Variants in KIAA1549L observed in about 807,000 individuals in gnomAD.
KIAA1549L encodes UPF0606 protein KIAA1549L.
Under a neutral mutation model 160.7 loss-of-function variants are expected in KIAA1549L, and 88 were observed. The observed-to-expected ratio is 0.55, with a 90% CI of 0.46 to 0.65. KIAA1549L has a LOEUF of 0.65. KIAA1549L is among the 30% of genes least tolerant of loss of function. The pLI, the probability that KIAA1549L is intolerant of heterozygous loss-of-function variation, is 0.00. For synonymous variants in KIAA1549L, 950 were observed against 976.7 expected (o/e 0.97, Z 0.51); for missense variants, 2,258 against 2,437.5 (o/e 0.93, Z 1.55).
rs368426217 is a variant in KIAA1549L, at chr11:33,658,763, A to G, written c.5872A>G (p.Ile1958Val). 40 of 1,573,038 alleles carry G rather than the reference A, an allele frequency of 2.5e-5. No individual in the cohort carries two copies. The East Asian group carries it at 6.0e-4, about 24-fold the overall frequency. The part of the protein sequence containing the change: ...VASLRRSTSD[I>V]GSKTRMAEST... ...TGCCCCATCTAGATCCACCTCAGAC[A>G]TCGGCAGCAAGACCAGAATGGCCGA... The change falls in exon 19 of 21, where the codon ATC (isoleucine) becomes GTC (valine). Residue 1958 changes from isoleucine to valine, a missense_variant. Physicochemically the swap from Ile to Val is conservative, Grantham distance 29 (BLOSUM62 3). Around this residue, in one of 6 missense-constraint regions of KIAA1549L, gnomAD observed 1,359 missense variants for 1,546.6 expected, o/e 0.88. Transcript: ENST00000658780.
At chr11:33,540,632 A>G (rs1192874021) in intron 1 of KIAA1549L, among the ~76,000 whole-genome samples, 5 of 152,220 alleles carry the variant, frequency 3.3e-5, no homozygotes, top group Non-Finnish European at 7.3e-5. Flanking sequence ...ATTGCAAACC[A>G]TGAAGCAGTT....
intron 1 of KIAA1549L, among the ~76,000 whole-genome samples, chr11:33,433,244 A>G (rs1025180055): frequency 6.7e-6 from 1 of 149,430 alleles, no homozygotes; most frequent in African/African-American, 2.4e-5. Flanking sequence ...AGACAAAAAC[A>G]TATTTACAAG....
intron 4 of KIAA1549L, among the ~76,000 whole-genome samples, 165 bp from the exon 5 acceptor site, chr11:33,550,875 G>T (rs1261236037): frequency 3.3e-5 from 5 of 152,182 alleles, no homozygotes; most frequent in Non-Finnish European, 7.3e-5. Flanking sequence ...TTTGAGACTT[G>T]CCAATCCAAA....
chr11:33,496,894 T>C (rs761135943), intron 1 of KIAA1549L, among the ~76,000 whole-genome samples: 8 of 152,206 alleles, frequency 5.3e-5, no homozygotes, highest in Non-Finnish European at 2.9e-5. Context: ...TTGCAAATCA[T>C]GTTCCAGCCA....
At chr11:33,609,725 G>A in intron 14 of KIAA1549L, 24 bp from the exon 15 acceptor site, 1 of 1,573,164 alleles carries the variant, frequency 6.4e-7, no homozygotes, top group Non-Finnish European at 8.6e-7. Flanking sequence ...TCAGGTTTGG[G>A]CCTGAGACTG....
At chr11:33,428,342 TGTGCACAAC>T (rs141141369) in intron 1 of KIAA1549L, among the ~76,000 whole-genome samples, 9,272 of 152,264 alleles carry the variant, frequency 0.061, 672 homozygotes, top group African/African-American at 0.18. Flanking sequence ...CTAGGGTACA[TGTGCACAAC>T]GTGCAGGTTT....
chr11:33,454,171 G>T (rs991536771), intron 1 of KIAA1549L, among the ~76,000 whole-genome samples: 2 of 152,184 alleles, frequency 1.3e-5, no homozygotes, highest in African/African-American at 2.4e-5. Context: ...ACTCTGAGCT[G>T]ATGAATTTCA....
chr11:33,637,936 T>G (rs1414186226), intron 16 of KIAA1549L, among the ~76,000 whole-genome samples: 1 of 152,174 alleles, frequency 6.6e-6, no homozygotes, highest in Non-Finnish European at 1.5e-5. Context: ...AACAGTCCTT[T>G]CTTTTTCTCA....
intron 1 of KIAA1549L, among the ~76,000 whole-genome samples, chr11:33,457,863 A>G (rs994892098): frequency 6.6e-6 from 1 of 152,184 alleles, no homozygotes; most frequent in East Asian, 1.9e-4. Context: ...GTATGTCTCC[A>G]TGGGACAGGA....
In KIAA1549L at chr11:33,462,480, G is replaced by A. The variant is rs1851960436; in HGVS notation, c.239-79322G>A. 3.3e-5 allele frequency among the ~76,000 whole-genome samples: 5 copies of A among 152,332 alleles called. No individual in the cohort carries two copies. The South Asian group carries it at 1.0e-3, about 32-fold the overall frequency. Reference sequence around the variant, plus strand: ...AAAGTTTAGGTTCCTTGAGTAGCTAGTGTGTTTCTTTCCCAAATAATGAGA... The same window carrying A: ...AAAGTTTAGGTTCCTTGAGTAGCTAATGTGTTTCTTTCCCAAATAATGAGA... On this transcript the variant is annotated intron_variant, in intron 1 of 20. Transcript: ENST00000658780.
At chr11:33,487,402 C>CTTTTTT (rs112165825) in intron 1 of KIAA1549L, among the ~76,000 whole-genome samples, 2 of 85,532 alleles carry the variant, frequency 2.3e-5, no homozygotes, top group Non-Finnish European at 2.5e-5. Context: ...GTCTATTGTT[C>CTTTTTT]TTTTTTTTTT....
intron 1 of KIAA1549L, among the ~76,000 whole-genome samples, chr11:33,403,807 T>A (rs1214997665): frequency 6.6e-6 from 1 of 152,204 alleles, no homozygotes; most frequent in African/African-American, 2.4e-5. Flanking sequence ...TAGGTCACAG[T>A]TCATACTTTG....
At chr11:33,571,364 A>C (rs1855247536) in intron 9 of KIAA1549L, among the ~76,000 whole-genome samples, 1 of 152,194 alleles carries the variant, frequency 6.6e-6, no homozygotes, top group African/African-American at 2.4e-5. Flanking sequence ...CAAAGACAAA[A>C]GAGTGAGGAT....
At chr11:33,476,318 C>T (rs1852285736) in intron 1 of KIAA1549L, among the ~76,000 whole-genome samples, 1 of 152,188 alleles carries the variant, frequency 6.6e-6, no homozygotes, top group South Asian at 2.1e-4. Flanking sequence ...CTCCATCTCT[C>T]TCTGTGGTCA....
At chr11:33,407,122 TCG>T (rs1850677386) in intron 1 of KIAA1549L, among the ~76,000 whole-genome samples, 1 of 142,546 alleles carries the variant, frequency 7.0e-6, no homozygotes, top group Admixed American at 7.8e-5. Flanking sequence ...TCTCGCTCTG[TCG>T]TCCAGGCTGG....
At chr11:33,650,958 T>C (rs1851866307) in intron 17 of KIAA1549L, among the ~76,000 whole-genome samples, 1 of 152,176 alleles carries the variant, frequency 6.6e-6, no homozygotes, top group South Asian at 2.1e-4. Flanking sequence ...ATGAGACTTA[T>C]GTCCTCTCCT....
chr11:33,607,588 C>T (rs965839767), intron 14 of KIAA1549L, among the ~76,000 whole-genome samples: 4 of 152,198 alleles, frequency 2.6e-5, no homozygotes, highest in Non-Finnish European at 4.4e-5. Context: ...TGTACACACA[C>T]AAGCTCTTAA....
chr11:33,459,475 T>C (rs1443267957), intron 1 of KIAA1549L, among the ~76,000 whole-genome samples: 1 of 152,212 alleles, frequency 6.6e-6, no homozygotes. Flanking sequence ...AGTCCTGCCT[T>C]ATGATGCTCA....
chr11:33,643,045 T>A (rs182834366), intron 16 of KIAA1549L, among the ~76,000 whole-genome samples: 18 of 152,264 alleles, frequency 1.2e-4, no homozygotes, highest in Admixed American at 4.6e-4. Context: ...GAGCTAGTCT[T>A]GTTTCTATCT....
Sources: gnomAD v4.1 joint callset for allele counts (sites outside exome capture counted in the v4.1 genomes callset) on GRCh38, gnomAD v4.1.1 for gene constraint, gnomAD v4.1.1 regional missense constraint, MANE v1.5 for transcripts, NCBI Gene and HGNC (gene_info 2026-07-23, HGNC 2026-07-21) for gene names.